Variants in FNIP2 observed in about 807,000 individuals in gnomAD.
The protein encoded by FNIP2 is folliculin-interacting protein 2.
In FNIP2, 32 loss-of-function variants were observed where a neutral mutation model predicts 108.7. The ratio of observed to expected loss-of-function variants is 0.29; its 90% CI spans 0.22 to 0.40. FNIP2 has a LOEUF of 0.40. FNIP2 is among the 10% of genes least tolerant of loss of function. The pLI is 1.00. For synonymous variants in FNIP2, 480 were observed against 496.7 expected, an observed-to-expected ratio of 0.97 and a Z score of 0.45; for missense variants, 1,202 against 1,381.6, an observed-to-expected ratio of 0.87 and a Z score of 2.06.
chr4:158,890,382 G>A (rs1782219747), intron 14 of FNIP2: 1 of 983,882 alleles, frequency 1.0e-6, no homozygotes, highest in Non-Finnish European at 1.2e-6. Flanking sequence ...AAAAATGTTG[G>A]TCCGCACGAA....
intron 12 of FNIP2, among the ~76,000 whole-genome samples, chr4:158,862,592 T>A (rs1161990342): frequency 1.3e-5 from 2 of 152,236 alleles, no homozygotes; most frequent in East Asian, 3.8e-4. Context: ...AGCACTGGAT[T>A]ACGATAGTTA....
At chr4:158,895,646 A>T (rs1343097556) in intron 15 of FNIP2, 104 bp from the exon 16 acceptor site, 1 of 715,710 alleles carries the variant, frequency 1.4e-6, no homozygotes, top group East Asian at 2.7e-5. Flanking sequence ...AACTGATGAG[A>T]TAAAAGCTGT....
intron 1 of FNIP2, among the ~76,000 whole-genome samples, chr4:158,820,538 C>T (rs1036569608): frequency 1.1e-4 from 16 of 152,222 alleles, no homozygotes; most frequent in African/African-American, 3.6e-4. Flanking sequence ...CAGGTCAGAT[C>T]GTGTCATTCT....
intron 14 of FNIP2, among the ~76,000 whole-genome samples, chr4:158,882,226 C>T (rs550560533): frequency 0.026 from 3,879 of 150,074 alleles, 137 homozygotes; most frequent in African/African-American, 0.085. Flanking sequence ...CCCCTCCGCC[C>T]GGCAGCCGCC....
chr4:158,868,597 A>G lies in FNIP2; in HGVS notation c.1961A>G (p.Asn654Ser). The G allele has an allele frequency of 6.2e-7, 1 of 1,613,686 alleles. No individual in the cohort carries two copies. Among genetic ancestry groups the G allele is most frequent in the Non-Finnish European group, 8.5e-7 (1 of 1,179,730 alleles). Residue 654 changes from asparagine (N) to serine (S), a missense_variant, in exon 13 of 17, where the codon AAT (asparagine) becomes AGT (serine). By Grantham distance (46) the Asn-to-Ser change is conservative. This residue lies in a region of FNIP2 where 878 missense variants were observed against 990.3 expected (regional missense o/e 0.89). Coordinates refer to ENST00000264433, the MANE Select transcript of FNIP2 (RefSeq NM_020840.3). The surrounding 1 kb of genome is among the most constrained non-coding windows in gnomAD (Gnocchi z 4.6). ...PQNAFCGDEKNKEAPQDGSSR... is the reference protein window; with the variant it reads ...PQNAFCGDEKSKEAPQDGSSR... Reference sequence around the variant, plus strand: ...AATGCATTTTGTGGGGATGAGAAAAATAAAGAGGCACCGCAAGATGGCTCT... The same window carrying G: ...AATGCATTTTGTGGGGATGAGAAAAGTAAAGAGGCACCGCAAGATGGCTCT...
chr4:158,791,494 C>A (rs1050101819), intron 1 of FNIP2, among the ~76,000 whole-genome samples: 1 of 151,966 alleles, frequency 6.6e-6, no homozygotes, highest in Non-Finnish European at 1.5e-5. Flanking sequence ...GTTGGCCAGG[C>A]TGGTCTCAAA....
chr4:158,874,227 A>G (rs1188030827), intron 14 of FNIP2, among the ~76,000 whole-genome samples: 12 of 152,182 alleles, frequency 7.9e-5, no homozygotes, highest in Admixed American at 7.9e-4. Context: ...CCTAAGTTTG[A>G]ATCATGGTTC....
chr4:158,777,502 T>A (rs779672801), intron 1 of FNIP2, among the ~76,000 whole-genome samples: 1 of 152,238 alleles, frequency 6.6e-6, no homozygotes, highest in Non-Finnish European at 1.5e-5. Context: ...CAGACTAACA[T>A]ATCATTAATG....
chr4:158,896,952 C>T (rs1022005836), intron 16 of FNIP2, among the ~76,000 whole-genome samples: 1 of 152,010 alleles, frequency 6.6e-6, no homozygotes. Flanking sequence ...CCCATCAACC[C>T]GTCATCTACA....
At chr4:158,871,152 A>G (rs1410778578) in intron 14 of FNIP2, among the ~76,000 whole-genome samples, 2 of 152,226 alleles carry the variant, frequency 1.3e-5, no homozygotes, top group Admixed American at 6.5e-5. Flanking sequence ...ATAAAGATTA[A>G]TAAGTCTCAC....
At chr4:158,889,140 T>G (rs1782162043) in intron 14 of FNIP2, among the ~76,000 whole-genome samples, 1 of 152,188 alleles carries the variant, frequency 6.6e-6, no homozygotes, top group African/African-American at 2.4e-5. Flanking sequence ...TACTATGAAC[T>G]GTGATCAGAC....
rs1729881141 is a variant in FNIP2, at chr4:158,906,825, G to A, written c.*2281G>A. 1 of 151,924 alleles carries A rather than the reference G, an allele frequency of 6.6e-6. No homozygotes were observed. Among genetic ancestry groups the A allele is most frequent in the African/African-American group, 2.4e-5 (1 of 41,360 alleles). 9.4% of individuals were successfully genotyped at this position (151,924 alleles called of 1,614,324 possible). A position where few individuals can be genotyped will look rare whatever the true frequency, so the allele number is the denominator to read the frequency against. On this transcript the variant is annotated 3_prime_UTR_variant, in exon 17 of 17. Transcript: ENST00000264433. ...CAAAAAAGAAAAAAAAAACCTCACAGAATTGTGTTGAGATCCACCGCTCAC... is the reference window on the plus strand; with the variant it reads ...CAAAAAAGAAAAAAAAAACCTCACAAAATTGTGTTGAGATCCACCGCTCAC...
At chr4:158,844,303 T>C (rs1034412181) in intron 7 of FNIP2, among the ~76,000 whole-genome samples, 1 of 152,178 alleles carries the variant, frequency 6.6e-6, no homozygotes, top group African/African-American at 2.4e-5. Context: ...TCCATCCATA[T>C]ATATAAGTAG....
intron 12 of FNIP2, among the ~76,000 whole-genome samples, chr4:158,867,694 C>T (rs1578942031): frequency 6.6e-6 from 1 of 152,338 alleles, no homozygotes; most frequent in South Asian, 2.1e-4. Context: ...TATCCCAAGG[C>T]CCAATGTCCT....
intron 1 of FNIP2, among the ~76,000 whole-genome samples, chr4:158,800,445 A>T (rs922566559): frequency 4.6e-5 from 7 of 152,146 alleles, no homozygotes; most frequent in Admixed American, 2.6e-4. Flanking sequence ...TTCCAGGGTG[A>T]GTGCTTTGCT....
intron 14 of FNIP2, among the ~76,000 whole-genome samples, chr4:158,875,302 C>G (rs934308520): frequency 3.3e-4 from 50 of 151,796 alleles, no homozygotes; most frequent in African/African-American, 9.9e-4. Flanking sequence ...GCAGGGTCAT[C>G]AAGACCAAAA....
intron 14 of FNIP2, chr4:158,872,185 C>A (rs1780991283): frequency 4.1e-6 from 4 of 985,308 alleles, no homozygotes; most frequent in Non-Finnish European, 4.8e-6. Flanking sequence ...TGTTTGAATG[C>A]CCTGGATTTA....
intron 1 of FNIP2, among the ~76,000 whole-genome samples, chr4:158,800,903 G>A (rs746874959): frequency 5.3e-5 from 8 of 151,868 alleles, no homozygotes; most frequent in African/African-American, 1.2e-4. Flanking sequence ...CTGTGCTCTG[G>A]GTGCCAAATG....
intron 12 of FNIP2, among the ~76,000 whole-genome samples, chr4:158,862,751 G>A (rs1780365252): frequency 6.6e-6 from 1 of 152,152 alleles, no homozygotes; most frequent in Non-Finnish European, 1.5e-5. Context: ...GGTCATACGG[G>A]AAGTTTTTCC....
Sources: allele counts gnomAD v4.1 joint callset (sites outside exome capture counted in the v4.1 genomes callset), GRCh38; gene constraint gnomAD v4.1.1; regional missense constraint gnomAD v4.1.1; non-coding constraint Gnocchi (gnomAD v3.1); transcripts MANE v1.5; gene names NCBI Gene and HGNC (gene_info 2026-07-23, HGNC 2026-07-21).